Variants in PER2 observed in about 807,000 individuals in gnomAD.
PER2 encodes period circadian regulator 2, also known as period circadian protein homolog 2.
Under a neutral mutation model 121.0 loss-of-function variants are expected in PER2, and 66 were observed. The ratio of observed to expected loss-of-function variants is 0.55; its 90% CI spans 0.45 to 0.67. PER2 has a LOEUF of 0.67. Ranked by LOEUF, PER2 falls within the 30% of genes least tolerant of loss-of-function variation. The pLI, the probability that PER2 is intolerant of heterozygous loss-of-function variation, is 0.00. For missense variants in PER2, 1,521 were observed against 1,635.0 expected (o/e 0.93, Z 1.20); for synonymous variants, 684 against 659.9 (o/e 1.04, Z -0.56).
chr2:238,246,217 C>A lies in PER2; in HGVS notation c.*158G>T, dbSNP rs986594943. ...CTCCCCACTCTCCACAGTTTTAAGT[C>A]GCCCCTTCAGAAAACTATGTTGTTT... is the stretch of plus-strand genomic sequence containing the variant. On this transcript the variant is annotated 3_prime_UTR_variant, in exon 23 of 23. Coordinates refer to ENST00000254657, the MANE Select transcript of PER2 (RefSeq NM_022817.3). 2.0e-6 allele frequency: 1 copy of A among 491,258 alleles called. No homozygotes were observed. Among genetic ancestry groups the A allele is most frequent in the Non-Finnish European group, 3.6e-6 (1 of 280,910 alleles). 30.4% of individuals were successfully genotyped at this position (491,258 alleles called of 1,614,324 possible).
the PER2 span, chr2:238,299,279 T>G: frequency 6.8e-6 from 1 of 147,354 alleles, no homozygotes; most frequent in Non-Finnish European, 1.5e-5. Context: ...GTGGCTCACA[T>G]CTGTAATCCC....
the PER2 span, among the ~76,000 whole-genome samples, chr2:238,297,177 C>G: frequency 6.6e-6 from 1 of 152,220 alleles, no homozygotes; most frequent in Admixed American, 6.5e-5. Context: ...ATCCACCCCC[C>G]ACGCTCTGCG....
intron 5 of PER2, 120 bp downstream of exon 5, chr2:238,272,950 C>T (rs1486377887): frequency 3.4e-6 from 3 of 893,386 alleles, no homozygotes; most frequent in Non-Finnish European, 5.6e-6. Context: ...AAGGTAGGAA[C>T]TTATCTGCTG....
In PER2 at chr2:238,256,919, T is replaced by A; in HGVS notation, c.2065+3A>T. On this transcript the variant is annotated splice_donor_region_variant and intron_variant, in intron 17 of 22. Coordinates refer to ENST00000254657, the MANE Select transcript of PER2 (RefSeq NM_022817.3). Reference sequence around the variant, plus strand: ...TCTCTGATCCAAGAGCCCATAGTCATACCTAACTCCGGCTGCGGCTTCTTG... The same window carrying A: ...TCTCTGATCCAAGAGCCCATAGTCAAACCTAACTCCGGCTGCGGCTTCTTG... 1 of 1,613,898 alleles carries A rather than the reference T, an allele frequency of 6.2e-7. No homozygotes were observed. The highest frequency in any genetic ancestry group is 8.5e-7 in the Non-Finnish European group (1 of 1,179,810).
At chr2:238,250,449 G>C in intron 21 of PER2, 102 bp downstream of exon 21, 4 of 816,566 alleles carry the variant, frequency 4.9e-6, no homozygotes, top group South Asian at 4.4e-5. Context: ...AAGTCTTTCA[G>C]AGGGGCGTCC....
intron 1 of PER2, among the ~76,000 whole-genome samples, chr2:238,282,748 TA>T (rs1226644439): frequency 2.0e-5 from 3 of 151,486 alleles, no homozygotes; most frequent in Non-Finnish European, 4.4e-5. Context: ...GAGCTTACAT[TA>T]GGGGGAAACA....
chr2:238,291,450 G>C (rs2106339176), upstream of PER2, among the ~76,000 whole-genome samples: 1 of 152,360 alleles, frequency 6.6e-6, no homozygotes, highest in Non-Finnish European at 1.5e-5. Flanking sequence ...CAACTGTGCT[G>C]ATCACTGCTT....
At chr2:238,249,256 A>G (rs1260870511) in intron 21 of PER2, 44 bp from the exon 22 acceptor site, 1 of 1,567,486 alleles carries the variant, frequency 6.4e-7, no homozygotes, top group African/African-American at 1.4e-5. Flanking sequence ...AAATGTCTTA[A>G]GGGTATCTAT....
the PER2 span, chr2:238,295,248 C>G: frequency 6.6e-6 from 1 of 151,026 alleles, no homozygotes; most frequent in Non-Finnish European, 1.5e-5. Context: ...TCTTGTTCTT[C>G]TTCTCCTTCT....
chr2:238,272,231 C>G (rs1488793204), intron 5 of PER2, among the ~76,000 whole-genome samples: 1 of 152,238 alleles, frequency 6.6e-6, no homozygotes, highest in South Asian at 2.1e-4. Flanking sequence ...GTCTCCACCC[C>G]CTGGGAGGCG....
Position 238,260,879 on chromosome 2 carries a change from C to G in PER2, c.1491G>C (p.Gln497His). ...SNGSHEHLMS[Q>H]TSSSDSNGHE... ...GGCCGTTGCTGTCGCTGGAGGAGGTCTGGCTCATAAGGTGCTCGTGGGACC... is the reference window on the plus strand; with the variant it reads ...GGCCGTTGCTGTCGCTGGAGGAGGTGTGGCTCATAAGGTGCTCGTGGGACC... The change falls in exon 13 of 23, where the codon CAG becomes CAC. Residue 497 changes from glutamine (Q) to histidine (H), a missense_variant. By Grantham distance (24) the Gln-to-His change is conservative. Coordinates refer to ENST00000254657, the MANE Select transcript of PER2 (RefSeq NM_022817.3). The G allele has an allele frequency of 6.2e-7, 1 of 1,613,968 alleles. No individual in the cohort carries two copies. The highest frequency in any genetic ancestry group is 8.5e-7 in the Non-Finnish European group (1 of 1,180,018).
intron 5 of PER2, among the ~76,000 whole-genome samples, chr2:238,271,839 C>T (rs531236512): frequency 2.0e-5 from 3 of 152,240 alleles, no homozygotes; most frequent in Non-Finnish European, 2.9e-5. Flanking sequence ...AAACTCCTCC[C>T]GGACCAGAGA....
chr2:238,281,302 G>A (rs779686583), intron 1 of PER2, among the ~76,000 whole-genome samples: 13 of 152,236 alleles, frequency 8.5e-5, no homozygotes, highest in East Asian at 1.9e-4. Flanking sequence ...AGGCCCGGCC[G>A]TCTACATATA....
At chr2:238,264,821 G>C (rs1388387482) in intron 9 of PER2, among the ~76,000 whole-genome samples, 1 of 152,122 alleles carries the variant, frequency 6.6e-6, no homozygotes, top group Non-Finnish European at 1.5e-5. Context: ...ACAGGGTCTT[G>C]CTACGTTTTG....
chr2:238,265,028 G>A (rs937370449), intron 9 of PER2, among the ~76,000 whole-genome samples: 1 of 152,242 alleles, frequency 6.6e-6, no homozygotes, highest in Admixed American at 6.5e-5. Context: ...GAACATGGGT[G>A]CTCCCAAATC....
chr2:238,275,000 A>G (rs1696408176), intron 4 of PER2, among the ~76,000 whole-genome samples: 1 of 152,210 alleles, frequency 6.6e-6, no homozygotes, highest in East Asian at 1.9e-4. Context: ...CTACCCAAAC[A>G]TTTAAAAATA....
intron 8 of PER2, among the ~76,000 whole-genome samples, chr2:238,266,151 C>T (rs2106311113): frequency 6.6e-6 from 1 of 152,324 alleles, no homozygotes; most frequent in African/African-American, 2.4e-5. Flanking sequence ...GATCCGCCCA[C>T]CTTGGCCTCC....
chr2:238,281,449 T>TA (rs1696627584), intron 1 of PER2, among the ~76,000 whole-genome samples: 2 of 152,238 alleles, frequency 1.3e-5, no homozygotes, highest in Admixed American at 1.3e-4. Flanking sequence ...TCATTCCCCT[T>TA]AAAGTCAGGA....
At chr2:238,293,115 C>T (rs1696976077), upstream of PER2, among the ~76,000 whole-genome samples, 1 of 151,628 alleles carries the variant, frequency 6.6e-6, no homozygotes, top group South Asian at 2.1e-4. Flanking sequence ...TTCAAAAATA[C>T]CTCTCCAAAA....
Sources: allele counts gnomAD v4.1 joint callset (sites outside exome capture counted in the v4.1 genomes callset), GRCh38; gene constraint gnomAD v4.1.1; transcripts MANE v1.5; gene names NCBI Gene and HGNC (gene_info 2026-07-23, HGNC 2026-07-21).